Variants in DSCAM observed in about 807,000 individuals in gnomAD.
DSCAM encodes the protein cell adhesion molecule DSCAM.
Under a neutral mutation model 217.7 loss-of-function variants are expected in DSCAM, and 47 were observed. That is an observed-to-expected ratio of 0.22 (90% CI 0.17 to 0.28). DSCAM has a LOEUF of 0.28. Among genes scored for constraint, DSCAM ranks in the 10% least tolerant of loss-of-function variants. The pLI is 1.00. For missense variants in DSCAM, 2,080 were observed against 2,618.3 expected, an observed-to-expected ratio of 0.79 and a Z score of 4.49; for synonymous variants, 1,056 against 1,015.3, an observed-to-expected ratio of 1.04 and a Z score of -0.76.
Position 40,133,907 on chromosome 21 carries a change from C to A in DSCAM, c.3509G>T (p.Arg1170Leu). The change falls in exon 19 of 33, where the codon CGC becomes CTC. Residue 1170 changes from arginine to leucine, a missense_variant. This residue lies in a region of DSCAM where 1,144 missense variants were observed against 1,421.1 expected (regional missense o/e 0.81). Coordinates refer to ENST00000400454, the MANE Select transcript of DSCAM (RefSeq NM_001389.5). ...NYSIQVLAFT[R>L]AGDGVRSEQI... ...CTCACTCCTGACCCCGTCTCCTGCG[C>A]GGGTGAAGGCCAGCACCTGGATGCT... 6.2e-7 allele frequency: 1 copy of A among 1,613,706 alleles called. No individual in the cohort carries two copies. Among genetic ancestry groups the A allele is most frequent in the Non-Finnish European group, 8.5e-7 (1 of 1,179,820 alleles).
chr21:40,827,482 A>AAGAAAAG (rs149491316), intron 1 of DSCAM, among the ~76,000 whole-genome samples: 1 of 137,092 alleles, frequency 7.3e-6, no homozygotes. Flanking sequence ...AAAAAAAAAA[A>AAGAAAAG]AAAAGAAAAG....
intron 3 of DSCAM, among the ~76,000 whole-genome samples, chr21:40,603,546 A>G (rs60706851): frequency 0.017 from 2,524 of 152,162 alleles, 61 homozygotes; most frequent in African/African-American, 0.058. Context: ...GACCCATGCT[A>G]TTTTCTTCTT....
At chr21:40,474,280 G>A (rs1047980295) in intron 3 of DSCAM, among the ~76,000 whole-genome samples, 1 of 151,580 alleles carries the variant, frequency 6.6e-6, no homozygotes, top group Non-Finnish European at 1.5e-5. Context: ...GTGACAGAGT[G>A]AGACTCCGTC....
At chr21:40,487,937 T>C (rs113410989) in intron 3 of DSCAM, among the ~76,000 whole-genome samples, 4 of 152,306 alleles carry the variant, frequency 2.6e-5, no homozygotes, top group African/African-American at 9.6e-5. Flanking sequence ...ATTCTGGTTC[T>C]TGTACACTCT....
At chr21:40,486,717 C>T (rs1467568960) in intron 3 of DSCAM, among the ~76,000 whole-genome samples, 2 of 152,148 alleles carry the variant, frequency 1.3e-5, no homozygotes, top group Non-Finnish European at 2.9e-5. Context: ...ACGGGGTAAA[C>T]TGATATTTGA....
chr21:40,673,472 A>G (rs567323032), intron 3 of DSCAM, among the ~76,000 whole-genome samples: 21 of 152,312 alleles, frequency 1.4e-4, no homozygotes, highest in Non-Finnish European at 2.9e-4. Context: ...AACAACCTCA[A>G]TTTTATGCAA....
chr21:40,276,182 C>G lies in DSCAM; in HGVS notation c.2271G>C (p.Val757=). The change falls in exon 11 of 33, where the codon GTG becomes GTC. Residue 757 remains valine, a synonymous_variant. Transcript: ENST00000400454. ...SNGSLLIKHV[V]EEDSGYYLCK... ...AGAGGTAGTAGCCACTGTCTTCCTC[C>G]ACGACATGCTTGATCAGCAACGACC... 6.2e-7 allele frequency: 1 copy of G among 1,613,406 alleles called. No individual in the cohort carries two copies. Among genetic ancestry groups the G allele is most frequent in the African/African-American group, 1.3e-5 (1 of 75,014 alleles).
intron 31 of DSCAM, among the ~76,000 whole-genome samples, 174 bp downstream of exon 31, chr21:40,043,904 T>C (rs1178326980): frequency 6.6e-6 from 1 of 152,246 alleles, no homozygotes; most frequent in Non-Finnish European, 1.5e-5. Flanking sequence ...GTAAAGGCTG[T>C]GCAGTTGTAT....
chr21:40,021,205 C>CAAAAAAAAA (rs763435750), intron 32 of DSCAM, among the ~76,000 whole-genome samples: 1 of 85,074 alleles, frequency 1.2e-5, no homozygotes. Context: ...GACTCCGTCT[C>CAAAAAAAAA]AAAAAAAAAA....
chr21:40,126,016 T>C (rs1472157247), intron 19 of DSCAM, among the ~76,000 whole-genome samples: 2 of 152,008 alleles, frequency 1.3e-5, no homozygotes, highest in Non-Finnish European at 2.9e-5. Context: ...TGAAGAGGAG[T>C]CAGTTGTATT....
At chr21:40,371,230 T>C (rs1189461552) in intron 3 of DSCAM, among the ~76,000 whole-genome samples, 1 of 152,222 alleles carries the variant, frequency 6.6e-6, no homozygotes, top group African/African-American at 2.4e-5. Flanking sequence ...TTTTGCTTTA[T>C]TATTCCCCAA....
intron 3 of DSCAM, among the ~76,000 whole-genome samples, chr21:40,390,697 A>G (rs1026888761): frequency 2.6e-5 from 4 of 151,676 alleles, no homozygotes; most frequent in African/African-American, 7.3e-5. Context: ...CGTAATTCCA[A>G]TCTCCACCTC....
At chr21:40,388,703 A>G (rs1468363159) in intron 3 of DSCAM, among the ~76,000 whole-genome samples, 1 of 152,202 alleles carries the variant, frequency 6.6e-6, no homozygotes, top group Admixed American at 6.5e-5. Flanking sequence ...AACTCTAAGC[A>G]CTGCAAACTT....
intron 3 of DSCAM, among the ~76,000 whole-genome samples, chr21:40,604,052 A>T (rs1327785439): frequency 6.9e-6 from 1 of 145,192 alleles, no homozygotes; most frequent in Non-Finnish European, 1.5e-5. Context: ...TTTTTCTGGG[A>T]TTCTCATTCT....
chr21:40,804,822 C>G (rs1296275741), intron 1 of DSCAM, among the ~76,000 whole-genome samples: 1 of 152,148 alleles, frequency 6.6e-6, no homozygotes, highest in East Asian at 1.9e-4. Context: ...CAACATTCCC[C>G]TCCATCTAGG....
At chr21:40,604,335 C>A (rs1244943126) in intron 3 of DSCAM, among the ~76,000 whole-genome samples, 2 of 152,116 alleles carry the variant, frequency 1.3e-5, no homozygotes, top group Non-Finnish European at 2.9e-5. Flanking sequence ...TCTGTTCTTG[C>A]TTGTCATCTA....
chr21:40,077,208 A>C (rs1255182157), intron 26 of DSCAM, among the ~76,000 whole-genome samples: 1 of 152,190 alleles, frequency 6.6e-6, no homozygotes. Flanking sequence ...GGCTAGCGTA[A>C]CCAACACTAG....
chr21:40,657,092 T>C (rs1247260760), intron 3 of DSCAM, among the ~76,000 whole-genome samples: 2 of 152,248 alleles, frequency 1.3e-5, no homozygotes, highest in East Asian at 3.8e-4. Context: ...TAGAAAGTTT[T>C]GCATGTTTGA....
chr21:40,635,519 T>C (rs368717891), intron 3 of DSCAM, among the ~76,000 whole-genome samples: 50 of 152,194 alleles, frequency 3.3e-4, no homozygotes, highest in Admixed American at 5.9e-4. Flanking sequence ...AGCACAGGCC[T>C]GGAGAGCAAG....
Sources: allele counts gnomAD v4.1 joint callset (sites outside exome capture counted in the v4.1 genomes callset), GRCh38; gene constraint gnomAD v4.1.1; regional missense constraint gnomAD v4.1.1; transcripts MANE v1.5; gene names NCBI Gene and HGNC (gene_info 2026-07-23, HGNC 2026-07-21).